Variants in GPC6 observed in about 807,000 individuals in gnomAD.
GPC6 encodes glypican-6.
In GPC6, 14 loss-of-function variants were observed where a neutral mutation model predicts 55.2. That is an observed-to-expected ratio of 0.25 (90% CI 0.17 to 0.40). GPC6 has a LOEUF of 0.40. GPC6 is among the 10% of genes least tolerant of loss of function. GPC6 has a pLI of 1.00. For synonymous variants in GPC6, 278 were observed against 259.6 expected (o/e 1.07, Z -0.68); for missense variants, 641 against 708.5 (o/e 0.90, Z 1.08).
intron 4 of GPC6, among the ~76,000 whole-genome samples, chr13:94,035,355 C>T (rs1194820993): frequency 6.6e-6 from 1 of 152,062 alleles, no homozygotes; most frequent in African/African-American, 2.4e-5. Flanking sequence ...TAACACTCTG[C>T]ACATTAGCCC....
chr13:93,761,667 G>T (rs181692336), intron 2 of GPC6, among the ~76,000 whole-genome samples: 1 of 152,046 alleles, frequency 6.6e-6, no homozygotes. Context: ...ACCACACCGG[G>T]CTAATTTTTT....
intron 5 of GPC6, among the ~76,000 whole-genome samples, chr13:94,294,637 T>C (rs919996832): frequency 6.6e-6 from 1 of 152,144 alleles, no homozygotes; most frequent in African/African-American, 2.4e-5. Flanking sequence ...CCAGATCTTT[T>C]TTTTTTCTCC....
intron 6 of GPC6, among the ~76,000 whole-genome samples, chr13:94,321,208 T>C (rs1490510953): frequency 6.6e-6 from 1 of 152,206 alleles, no homozygotes; most frequent in Non-Finnish European, 1.5e-5. Flanking sequence ...GAACAGATAG[T>C]GGCCTCCAGT....
chr13:93,612,648 T>G (rs1241471213), intron 2 of GPC6, among the ~76,000 whole-genome samples: 1 of 152,134 alleles, frequency 6.6e-6, no homozygotes, highest in African/African-American at 2.4e-5. Context: ...CAAGTCTCTC[T>G]TCTCCAAATA....
intron 3 of GPC6, among the ~76,000 whole-genome samples, chr13:93,901,913 A>C (rs12428986): frequency 0.036 from 5,511 of 151,764 alleles, 272 homozygotes; most frequent in East Asian, 0.17. Flanking sequence ...AAAAAAAAAA[A>C]AAAAACTTTT....
chr13:93,330,571 G>A (rs898232556), intron 1 of GPC6, among the ~76,000 whole-genome samples: 1 of 151,992 alleles, frequency 6.6e-6, no homozygotes, highest in Admixed American at 6.6e-5. Context: ...TCCCTATGAG[G>A]CTGCTACCTC....
chr13:93,712,733 A>C (rs1257931210), intron 2 of GPC6, among the ~76,000 whole-genome samples: 1 of 151,434 alleles, frequency 6.6e-6, no homozygotes, highest in Non-Finnish European at 1.5e-5. Flanking sequence ...GGTGGTGTAA[A>C]ATTAATACCA....
chr13:93,914,349 AGAAT>A (rs538667352), intron 3 of GPC6, among the ~76,000 whole-genome samples: 127 of 152,226 alleles, frequency 8.3e-4, no homozygotes, highest in African/African-American at 2.8e-3. Context: ...TAGTTTGCTG[AGAAT>A]GATGGTTTCC....
the GPC6 span, among the ~76,000 whole-genome samples, chr13:93,221,493 C>T: frequency 1.3e-5 from 2 of 152,014 alleles, no homozygotes; most frequent in African/African-American, 4.8e-5. Flanking sequence ...GTTTGGTTTT[C>T]CCCCCAAGAG....
At position 94,108,819 on chromosome 13, in the gene GPC6, G is replaced by T. The variant is rs147188300; in HGVS notation, c.877+80925G>T. Among the ~76,000 whole-genome samples, 6 of 150,032 alleles carry T rather than the reference G, an allele frequency of 4.0e-5. No homozygotes were observed. The East Asian group carries it at 1.2e-3, about 30-fold the overall frequency. On this transcript the variant is annotated intron_variant, in intron 4 of 8. Coordinates refer to ENST00000377047, the MANE Select transcript of GPC6 (RefSeq NM_005708.5). Reference sequence around the variant, plus strand: ...ATGGCAGCATTGCACTCCAGCCTGAGCAACAAGAGCGAGACTCCGTCTCAA... The same window carrying T: ...ATGGCAGCATTGCACTCCAGCCTGATCAACAAGAGCGAGACTCCGTCTCAA...
intron 3 of GPC6, among the ~76,000 whole-genome samples, chr13:93,916,234 C>T (rs912828342): frequency 5.3e-5 from 8 of 152,118 alleles, no homozygotes; most frequent in Non-Finnish European, 2.9e-5. Context: ...TGAAATAAAA[C>T]GTTAGCACCT....
chr13:93,940,635 T>G (rs1878689745), intron 3 of GPC6, among the ~76,000 whole-genome samples: 1 of 152,172 alleles, frequency 6.6e-6, no homozygotes, highest in Non-Finnish European at 1.5e-5. Flanking sequence ...TGTGTGAACG[T>G]TGTTTGTATC....
intron 5 of GPC6, among the ~76,000 whole-genome samples, chr13:94,292,576 TTC>T (rs1017616954): frequency 1.3e-5 from 2 of 152,176 alleles, no homozygotes; most frequent in African/African-American, 4.8e-5. Context: ...AAATTCTTCT[TTC>T]TCTCTTATGT....
At chr13:93,277,416 A>G (rs1258032326) in intron 1 of GPC6, among the ~76,000 whole-genome samples, 1 of 152,248 alleles carries the variant, frequency 6.6e-6, no homozygotes, top group Non-Finnish European at 1.5e-5. Context: ...GCCAGACACT[A>G]TACAAATAGA....
At chr13:93,752,581 T>A (rs1884635705) in intron 2 of GPC6, among the ~76,000 whole-genome samples, 1 of 152,172 alleles carries the variant, frequency 6.6e-6, no homozygotes, top group Non-Finnish European at 1.5e-5. Context: ...AATTGATATC[T>A]TTGGGAAAGG....
At chr13:93,563,149 T>A (rs1296806686) in intron 2 of GPC6, among the ~76,000 whole-genome samples, 4 of 152,160 alleles carry the variant, frequency 2.6e-5, no homozygotes, top group African/African-American at 7.2e-5. Context: ...ATTTTGTGAA[T>A]AAGTCTTTGT....
chr13:93,395,131 A>G (rs1027387348), intron 1 of GPC6: 3 of 243,358 alleles, frequency 1.2e-5, no homozygotes, highest in East Asian at 9.4e-5. Context: ...TACCAAATCC[A>G]TAACAGCCAT....
Position 93,227,148 on chromosome 13 carries a change from G to C in GPC6, c.-309G>C, listed in dbSNP as rs1875815736. On this transcript the variant is annotated 5_prime_UTR_variant, in exon 1 of 9. Transcript: ENST00000377047. The surrounding 1 kb of genome is among the most constrained non-coding windows in gnomAD (Gnocchi z 4.3). ...ATTGCAGCTCTGAACCCCCATGGTG[G>C]TTTTTTAAACACTTCTTTTCCTTCT... The C allele has an allele frequency of 4.2e-6, 1 of 240,440 alleles. No homozygotes were observed. Among genetic ancestry groups the C allele is most frequent in the Non-Finnish European group, 8.0e-6 (1 of 124,674 alleles). 14.9% of individuals were successfully genotyped at this position (240,440 alleles called of 1,614,324 possible). A position where few individuals can be genotyped will look rare whatever the true frequency, so the allele number is the denominator to read the frequency against.
At chr13:94,345,750 TATC>T (rs1240272930) in intron 6 of GPC6, among the ~76,000 whole-genome samples, 1 of 152,134 alleles carries the variant, frequency 6.6e-6, no homozygotes, top group African/African-American at 2.4e-5. Flanking sequence ...TTATTGTTGG[TATC>T]ATTATTATTT....
Sources: allele counts gnomAD v4.1 joint callset (sites outside exome capture counted in the v4.1 genomes callset), GRCh38; gene constraint gnomAD v4.1.1; non-coding constraint Gnocchi (gnomAD v3.1); transcripts MANE v1.5; gene names NCBI Gene and HGNC (gene_info 2026-07-23, HGNC 2026-07-21).